OPCML: variants seen among roughly 807,000 people sequenced by gnomAD.
The protein encoded by OPCML is opioid-binding protein/cell adhesion molecule.
In OPCML, 13 loss-of-function variants were observed where a neutral mutation model predicts 37.8. The observed-to-expected ratio is 0.34, with a 90% CI of 0.22 to 0.55. The LOEUF (loss-of-function observed/expected upper bound fraction) is 0.55, where lower values mean the gene tolerates loss of function less well. Among genes scored for constraint, OPCML ranks in the 20% least tolerant of loss-of-function variants. The pLI, the probability that OPCML is intolerant of heterozygous loss-of-function variation, is 0.91. For missense variants in OPCML, 341 were observed against 435.6 expected (o/e 0.78, Z 1.93); for synonymous variants, 176 against 168.8 (o/e 1.04, Z -0.33).
chr11:133,279,153 A>G (rs996743093), intron 1 of OPCML, among the ~76,000 whole-genome samples: 1 of 152,236 alleles, frequency 6.6e-6, no homozygotes, highest in African/African-American at 2.4e-5. Flanking sequence ...GTCATTTGAC[A>G]GTAAATAAGT....
At chr11:132,828,289 C>G (rs977842836) in intron 2 of OPCML, among the ~76,000 whole-genome samples, 3 of 152,054 alleles carry the variant, frequency 2.0e-5, no homozygotes, top group Non-Finnish European at 2.9e-5. Flanking sequence ...GGGCCATAAC[C>G]ACCCGGTATG....
intron 1 of OPCML, among the ~76,000 whole-genome samples, chr11:133,366,928 G>C (rs192974994): frequency 6.6e-6 from 1 of 152,084 alleles, no homozygotes; most frequent in Admixed American, 6.5e-5. Flanking sequence ...CAACCCGAGC[G>C]TTCCCCCTTC....
chr11:132,451,668 C>A (rs548066080), intron 4 of OPCML, among the ~76,000 whole-genome samples: 1 of 152,308 alleles, frequency 6.6e-6, no homozygotes, highest in East Asian at 1.9e-4. Flanking sequence ...TCTGTTGCTG[C>A]CCCTGCTGTG....
At chr11:132,910,835 G>A (rs962152382) in intron 2 of OPCML, among the ~76,000 whole-genome samples, 1 of 152,140 alleles carries the variant, frequency 6.6e-6, no homozygotes, top group African/African-American at 2.4e-5. Context: ...CTATCATCCA[G>A]AATCTTCTTA....
chr11:133,030,469 C>T (rs1947645924), intron 1 of OPCML, among the ~76,000 whole-genome samples: 1 of 152,144 alleles, frequency 6.6e-6, no homozygotes, highest in Admixed American at 6.6e-5. Context: ...GTCTTTGAGC[C>T]TTGTTTTCCT....
At chr11:132,497,750 C>G (rs2096236019) in intron 4 of OPCML, among the ~76,000 whole-genome samples, 1 of 152,122 alleles carries the variant, frequency 6.6e-6, no homozygotes, top group Non-Finnish European at 1.5e-5. Flanking sequence ...GTGACCAGGC[C>G]AGGTGGCACT....
chr11:133,348,862 A>C (rs1944062895), intron 1 of OPCML, among the ~76,000 whole-genome samples: 1 of 152,204 alleles, frequency 6.6e-6, no homozygotes, highest in Admixed American at 6.5e-5. Context: ...TGTAAAGATC[A>C]GGAAGACATG....
At chr11:132,996,583 C>T (rs1946891506) in intron 1 of OPCML, among the ~76,000 whole-genome samples, 2 of 147,992 alleles carry the variant, frequency 1.4e-5, no homozygotes, top group South Asian at 4.3e-4. Flanking sequence ...TGCGCCACTG[C>T]ACTCCAGCCT....
chr11:132,851,379 C>T (rs932684180), intron 2 of OPCML, among the ~76,000 whole-genome samples: 5 of 152,060 alleles, frequency 3.3e-5, no homozygotes, highest in African/African-American at 1.2e-4. Context: ...GTCTAGAGCT[C>T]AAAAATCTGA....
intron 1 of OPCML, among the ~76,000 whole-genome samples, chr11:133,181,880 C>T (rs1937849115): frequency 6.6e-6 from 1 of 151,906 alleles, no homozygotes; most frequent in African/African-American, 2.4e-5. Context: ...TGCTGAGTCC[C>T]TCCTCCAAAG....
intron 1 of OPCML, among the ~76,000 whole-genome samples, chr11:133,337,542 A>G (rs1943769536): frequency 6.6e-6 from 1 of 152,180 alleles, no homozygotes; most frequent in Middle Eastern, 3.2e-3. Context: ...GAAGTCAGCA[A>G]CCACTTTAGT....
At position 133,481,421 on chromosome 11, in the gene OPCML, C is replaced by T. The variant is rs115959465; in HGVS notation, c.61+50843G>A. 4.4e-3 allele frequency among the ~76,000 whole-genome samples: 674 copies of T among 151,522 alleles called. 5 individuals carry two copies. The highest frequency in any genetic ancestry group is 0.015 in the African/African-American group (625 of 41,142). On this transcript the variant is annotated intron_variant, in intron 1 of 7. Coordinates refer to ENST00000524381, the MANE Select transcript of OPCML (RefSeq NM_001012393.5). ...AGAGCCCAAGTCTCTGCCATTGTAC[C>T]ATAATTCTTCTCCCCAGTTAAAAAA...
intron 4 of OPCML, among the ~76,000 whole-genome samples, chr11:132,483,481 G>A (rs2096188166): frequency 1.3e-5 from 2 of 152,056 alleles, no homozygotes; most frequent in Non-Finnish European, 1.5e-5. Context: ...CATGAAAATG[G>A]CCATACTGCC....
intron 1 of OPCML, among the ~76,000 whole-genome samples, chr11:133,295,335 C>A (rs1344068721): frequency 6.6e-6 from 1 of 152,112 alleles, no homozygotes; most frequent in Non-Finnish European, 1.5e-5. Context: ...ACTAGGCATT[C>A]CAGGAGTCAT....
intron 3 of OPCML, among the ~76,000 whole-genome samples, chr11:132,530,083 T>A (rs568874503): frequency 1.1e-3 from 169 of 152,180 alleles, no homozygotes; most frequent in Non-Finnish European, 2.3e-3. Context: ...GAGGTTTAGG[T>A]GAAATAATGG....
At chr11:132,732,835 A>G (rs1945125469) in intron 2 of OPCML, among the ~76,000 whole-genome samples, 1 of 152,160 alleles carries the variant, frequency 6.6e-6, no homozygotes, top group African/African-American at 2.4e-5. Context: ...TTAGAGATTA[A>G]TGGTGACCAC....
At chr11:132,869,939 G>A (rs1433230804) in intron 2 of OPCML, among the ~76,000 whole-genome samples, 1 of 152,078 alleles carries the variant, frequency 6.6e-6, no homozygotes, top group Non-Finnish European at 1.5e-5. Flanking sequence ...ATCCATGTTT[G>A]AGAAAAACAG....
chr11:132,475,697 A>C (rs2096152897), intron 4 of OPCML, among the ~76,000 whole-genome samples: 1 of 152,208 alleles, frequency 6.6e-6, no homozygotes, highest in African/African-American at 2.4e-5. Flanking sequence ...ACGTGAAAAA[A>C]AAAAATATTT....
intron 1 of OPCML, among the ~76,000 whole-genome samples, chr11:133,390,132 G>A (rs2136807428): frequency 6.6e-6 from 1 of 152,280 alleles, no homozygotes; most frequent in Admixed American, 6.5e-5. Flanking sequence ...TATAATTTAT[G>A]ACTGGAACAT....
Sources: allele counts gnomAD v4.1 joint callset (sites outside exome capture counted in the v4.1 genomes callset), GRCh38; gene constraint gnomAD v4.1.1; transcripts MANE v1.5; gene names NCBI Gene and HGNC (gene_info 2026-07-23, HGNC 2026-07-21).